TTC28: variants seen among roughly 807,000 people sequenced by gnomAD.
TTC28 encodes the protein tetratricopeptide repeat domain 28.
Under a neutral mutation model 198.0 loss-of-function variants are expected in TTC28, and 61 were observed. The observed-to-expected ratio is 0.31, with a 90% CI of 0.25 to 0.38. The LOEUF is 0.38. TTC28 is among the 10% of genes least tolerant of loss of function. The pLI is 1.00. For missense variants in TTC28, 2,678 were observed against 3,164.0 expected (o/e 0.85, Z 3.69); for synonymous variants, 1,171 against 1,297.8 (o/e 0.90, Z 2.10).
chr22:28,600,315 G>A (rs991404972), intron 2 of TTC28, among the ~76,000 whole-genome samples: 11 of 152,132 alleles, frequency 7.2e-5, no homozygotes, highest in Non-Finnish European at 1.6e-4. Context: ...TAAGGTCGGG[G>A]GGTTGCTTGA....
At chr22:28,155,522 G>A (rs1321578373) in intron 6 of TTC28, among the ~76,000 whole-genome samples, 1 of 152,150 alleles carries the variant, frequency 6.6e-6, no homozygotes, top group Non-Finnish European at 1.5e-5. Context: ...AGTGTTATTA[G>A]GGCTCAGACT....
intron 2 of TTC28, among the ~76,000 whole-genome samples, chr22:28,308,460 A>G (rs568450552): frequency 2.5e-4 from 38 of 152,342 alleles, no homozygotes; most frequent in Non-Finnish European, 2.9e-4. Context: ...TTCACATATT[A>G]TAAGAAAAAA....
intron 5 of TTC28, among the ~76,000 whole-genome samples, chr22:28,192,439 G>A (rs1457108964): frequency 1.3e-5 from 2 of 152,168 alleles, no homozygotes; most frequent in South Asian, 4.1e-4. Context: ...GCTGGATGGA[G>A]AATGACTTTG....
chr22:28,106,939 G>T, intron 7 of TTC28, 123 bp downstream of exon 7: 1 of 1,256,130 alleles, frequency 8.0e-7, no homozygotes. Flanking sequence ...GGAGGAATCA[G>T]ATGAGATATG....
intron 2 of TTC28, among the ~76,000 whole-genome samples, chr22:28,347,474 A>T (rs2045922721): frequency 6.6e-6 from 1 of 152,256 alleles, no homozygotes; most frequent in Middle Eastern, 3.4e-3. Flanking sequence ...ACTCATACAC[A>T]ATATAGATAT....
At chr22:28,456,929 CAAAAAT>C (rs1390208270) in intron 2 of TTC28, among the ~76,000 whole-genome samples, 1 of 152,086 alleles carries the variant, frequency 6.6e-6, no homozygotes, top group African/African-American at 2.4e-5. Flanking sequence ...TACTAGACAA[CAAAAAT>C]AAACAACTAG....
intron 2 of TTC28, among the ~76,000 whole-genome samples, chr22:28,418,902 A>G (rs695625): frequency 0.75 from 114,769 of 152,038 alleles, 43,507 homozygotes; most frequent in South Asian, 0.85. Context: ...AACAATGAAA[A>G]CTCATGCAGA....
Position 28,088,905 on chromosome 22 carries a change from G to A in TTC28, c.3932+5175C>T, listed in dbSNP as rs113598149. ...AGACATTTATGCAGCCAAAACACACGTGAAAAAATGCTCACCATCACTGGC... is the reference window on the plus strand; with the variant it reads ...AGACATTTATGCAGCCAAAACACACATGAAAAAATGCTCACCATCACTGGC... On this transcript the variant is annotated intron_variant, in intron 12 of 22. Transcript: ENST00000397906. 3.9e-5 allele frequency among the ~76,000 whole-genome samples: 6 copies of A among 152,238 alleles called. No individual in the cohort carries two copies. The South Asian group carries it at 1.0e-3, about 26-fold the overall frequency.
intron 12 of TTC28, among the ~76,000 whole-genome samples, chr22:28,059,515 T>A (rs1032803158): frequency 3.9e-5 from 6 of 152,078 alleles, no homozygotes; most frequent in Admixed American, 1.3e-4. Context: ...GGGGATATGA[T>A]GTTCTATAAC....
At chr22:28,148,560 C>T (rs936703334) in intron 6 of TTC28, among the ~76,000 whole-genome samples, 1 of 150,530 alleles carries the variant, frequency 6.6e-6, no homozygotes, top group Non-Finnish European at 1.5e-5. Context: ...TTGCAGTGAG[C>T]CAAGATTGCG....
At chr22:28,173,012 A>G (rs769818579) in intron 5 of TTC28, among the ~76,000 whole-genome samples, 3 of 152,180 alleles carry the variant, frequency 2.0e-5, no homozygotes, top group Non-Finnish European at 2.9e-5. Context: ...TGAATGCATC[A>G]CTAAGGTGTG....
At chr22:28,487,618 C>T (rs1415993858) in intron 2 of TTC28, among the ~76,000 whole-genome samples, 1 of 152,078 alleles carries the variant, frequency 6.6e-6, no homozygotes. Context: ...ATTTCTAATG[C>T]TTGCCATATG....
intron 17 of TTC28, among the ~76,000 whole-genome samples, chr22:27,994,073 C>T (rs1025069492): frequency 2.0e-5 from 3 of 152,228 alleles, no homozygotes; most frequent in Non-Finnish European, 2.9e-5. Flanking sequence ...GGCACTTCTA[C>T]GCTGAAGTCA....
At chr22:28,125,913 GA>G (rs935364392) in intron 6 of TTC28, among the ~76,000 whole-genome samples, 39 of 152,136 alleles carry the variant, frequency 2.6e-4, no homozygotes, top group East Asian at 7.7e-4. Flanking sequence ...TAAAGTAGGT[GA>G]AAAAAATACT....
chr22:28,610,824 A>C (rs2050806377), intron 2 of TTC28, among the ~76,000 whole-genome samples: 1 of 152,180 alleles, frequency 6.6e-6, no homozygotes. Context: ...AAGAACCTTG[A>C]AAAAAGGTCA....
intron 1 of TTC28, among the ~76,000 whole-genome samples, chr22:28,677,417 CA>C (rs2052015675): frequency 1.3e-5 from 2 of 151,874 alleles, no homozygotes; most frequent in Non-Finnish European, 2.9e-5. Flanking sequence ...GAAGACGAGG[CA>C]GGTGGATCAC....
At chr22:28,530,635 A>G (rs1224979874) in intron 2 of TTC28, among the ~76,000 whole-genome samples, 1 of 152,234 alleles carries the variant, frequency 6.6e-6, no homozygotes, top group Non-Finnish European at 1.5e-5. Flanking sequence ...AAATGAAGGA[A>G]AAAATATTAA....
intron 12 of TTC28, among the ~76,000 whole-genome samples, chr22:28,039,635 G>T (rs187881373): frequency 1.3e-5 from 2 of 152,032 alleles, no homozygotes; most frequent in Non-Finnish European, 2.9e-5. Flanking sequence ...AAACCTGCAC[G>T]TTGTGCACAT....
At chr22:28,085,454 C>T (rs1425261730) in intron 12 of TTC28, among the ~76,000 whole-genome samples, 3 of 151,940 alleles carry the variant, frequency 2.0e-5, no homozygotes, top group African/African-American at 4.8e-5. Context: ...TACAGACAAG[C>T]AAATGCTGAC....
Sources: allele counts gnomAD v4.1 joint callset (sites outside exome capture counted in the v4.1 genomes callset), GRCh38; gene constraint gnomAD v4.1.1; transcripts MANE v1.5; gene names NCBI Gene and HGNC (gene_info 2026-07-23, HGNC 2026-07-21).